Variants in PPIE observed in about 807,000 individuals in gnomAD.
PPIE encodes the protein peptidyl-prolyl cis-trans isomerase E.
PPIE carries 20 observed loss-of-function variants against 38.4 expected under a neutral mutation model. The ratio of observed to expected loss-of-function variants is 0.52; its 90% CI spans 0.37 to 0.76. The LOEUF is 0.76. Among genes scored for constraint, PPIE ranks in the 30% least tolerant of loss-of-function variants. The pLI, the probability that PPIE is intolerant of heterozygous loss-of-function variation, is 0.00. For synonymous variants in PPIE, 142 were observed against 135.7 expected (o/e 1.05, Z -0.32); for missense variants, 322 against 385.8 (o/e 0.83, Z 1.39).
At chr1:39,739,448 C>T (rs1376131363) in intron 1 of PPIE, among the ~76,000 whole-genome samples, 1 of 135,758 alleles carries the variant, frequency 7.4e-6, no homozygotes, top group African/African-American at 2.5e-5. Flanking sequence ...AGCCCCAGCC[C>T]CTGCCATAAA....
At chr1:39,760,657 C>T, downstream of PPIE, 1 of 1,484,798 alleles carries the variant, frequency 6.7e-7, no homozygotes, top group Non-Finnish European at 9.0e-7. Flanking sequence ...CACCTGCTCC[C>T]TGCCCTGGCC....
chr1:39,743,626 A>G (rs754396409), intron 5 of PPIE, among the ~76,000 whole-genome samples, 198 bp from the exon 6 acceptor site: 1 of 151,922 alleles, frequency 6.6e-6, no homozygotes, highest in Non-Finnish European at 1.5e-5. Flanking sequence ...CGGCATAGCT[A>G]TTTTCCTTAG....
At position 39,743,872 on chromosome 1, in the gene PPIE, A is replaced by G. The variant is rs750092753; in HGVS notation, c.332A>G (p.Glu111Gly). 6.2e-7 allele frequency: 1 copy of G among 1,614,002 alleles called. No homozygotes were observed. Among genetic ancestry groups the G allele is most frequent in the South Asian group, 1.1e-5 (1 of 91,078 alleles). The change falls in exon 6 of 10, where the codon GAA (glutamate) becomes GGA (glycine). Residue 111 changes from glutamate to glycine, a missense_variant. By Grantham distance (98) the Glu-to-Gly change is moderately conservative. Coordinates refer to ENST00000324379, the MANE Select transcript of PPIE (RefSeq NM_006112.4). The part of the protein sequence containing the change: ...WLKKFSGKTL[E>G]ENKEEEGSEP... Reference sequence around the variant, plus strand: ...AAGAAGTTTTCTGGGAAGACGCTTGAAGAGAATAAAGAGGAAGAAGGGTCA... The same window carrying G: ...AAGAAGTTTTCTGGGAAGACGCTTGGAGAGAATAAAGAGGAAGAAGGGTCA...
At chr1:39,752,880 C>A in intron 8 of PPIE, 30 bp from the exon 9 acceptor site, 1 of 1,601,340 alleles carries the variant, frequency 6.2e-7, no homozygotes. Context: ...AGCCAGGGTT[C>A]GGGGAGCTGA....
intron 1 of PPIE, among the ~76,000 whole-genome samples, chr1:39,739,614 G>C (rs947353510): frequency 6.6e-6 from 1 of 152,140 alleles, no homozygotes; most frequent in African/African-American, 2.4e-5. Context: ...TTCTGGATGC[G>C]GCGATGCCAG....
In PPIE at chr1:39,745,636, G is replaced by C. The variant is rs372848353; in HGVS notation, c.508+138G>C. The C allele has an allele frequency of 1.1e-4, 151 of 1,365,330 alleles. No individual in the cohort carries two copies. In the East Asian group the frequency reaches 3.2e-3, roughly 29 times the overall value. The allele number at this position is 1,365,330 out of a possible 1,614,324, so 84.6% of individuals were successfully genotyped here. A position where few individuals can be genotyped will look rare whatever the true frequency, so the allele number is the denominator to read the frequency against. On this transcript the variant is annotated intron_variant, in intron 7 of 9. Transcript: ENST00000324379. ...TTGATTTGAGGCATCTCAGATCCTG[G>C]GATCTAGTAACAGATAAGTCAGAGC...
At position 39,755,121 on chromosome 1, in the gene PPIE, T is replaced by C. The variant is rs1178571128; in HGVS notation, c.*1766T>C. The C allele has an allele frequency of 4.1e-6, 4 of 985,330 alleles. No homozygotes were observed. Among genetic ancestry groups the C allele is most frequent in the Non-Finnish European group, 4.8e-6 (4 of 829,936 alleles). 61.0% of individuals were successfully genotyped at this position (985,330 alleles called of 1,614,324 possible). A position where few individuals can be genotyped will look rare whatever the true frequency, so the allele number is the denominator to read the frequency against. ...TTCTCTCCACTCCCCCTCCAGATGC[T>C]GGTCAGCCAGGCGGTTATAAAGAAT... is the stretch of plus-strand genomic sequence containing the variant. On this transcript the variant is annotated 3_prime_UTR_variant, in exon 10 of 10. Coordinates refer to ENST00000324379, the MANE Select transcript of PPIE (RefSeq NM_006112.4).
At chr1:39,748,225 A>C (rs1451397864) in intron 7 of PPIE, 1 of 152,178 alleles carries the variant, frequency 6.6e-6, no homozygotes, top group Admixed American at 6.5e-5. Context: ...GCACGTCTTA[A>C]ATTTTGATAA....
At chr1:39,748,449 T>G (rs1647350850) in intron 7 of PPIE, 1 of 162,662 alleles carries the variant, frequency 6.1e-6, no homozygotes, top group Non-Finnish European at 1.4e-5. Context: ...GAATCTCCTA[T>G]AGTCCTGGCC....
intron 3 of PPIE, 132 bp downstream of exon 3, chr1:39,741,541 C>A: frequency 1.1e-6 from 1 of 949,398 alleles, no homozygotes; most frequent in South Asian, 1.4e-5. Context: ...GAAGTAAGTG[C>A]TGTTCTAAGG....
At chr1:39,744,043 G>A in intron 6 of PPIE, 119 bp downstream of exon 6, 2 of 631,568 alleles carry the variant, frequency 3.2e-6, no homozygotes, top group Middle Eastern at 6.0e-4. Flanking sequence ...AATGAATAAT[G>A]AATTCTTAGT....
downstream of PPIE, chr1:39,760,536 C>T (rs1377807024): frequency 2.2e-5 from 35 of 1,613,938 alleles, no homozygotes; most frequent in Non-Finnish European, 2.9e-5. Context: ...CACAGCACGC[C>T]TTGGGGACTG....
intron 7 of PPIE, chr1:39,746,913 C>A (rs1647227214): frequency 6.6e-6 from 1 of 152,176 alleles, no homozygotes. Context: ...ATTTTTGAAT[C>A]ATCCTAAACA....
chr1:39,744,401 T>TCCCC (rs756983075), intron 6 of PPIE, among the ~76,000 whole-genome samples: 1 of 152,146 alleles, frequency 6.6e-6, no homozygotes, highest in African/African-American at 2.4e-5. Flanking sequence ...CTGGGGCACT[T>TCCCC]CCCCCTGATT....
chr1:39,746,437 T>G (rs1014724893), intron 7 of PPIE: 7 of 152,220 alleles, frequency 4.6e-5, no homozygotes, highest in Non-Finnish European at 1.0e-4. Context: ...TTCCTCAACA[T>G]TCAGTATATA....
Position 39,743,912 on chromosome 1 carries a change from A to G in PPIE, c.372A>G (p.Ala124=), listed in dbSNP as rs778324353. 4 of 1,612,112 alleles carry G rather than the reference A, an allele frequency of 2.5e-6. No individual in the cohort carries two copies. The African/African-American group carries it at 4.0e-5, about 16-fold the overall frequency. ...AAGAAGGGTCAGAGCCTCCCAAAGC[A>G]GAGACCCAGGAGGTGAGAATGAAGC... The part of the protein sequence containing the change: ...KEEEGSEPPK[A]ETQEGEPIAK... Residue 124 remains alanine, a synonymous_variant, in exon 6 of 10, where the codon GCA becomes GCG. Transcript: ENST00000324379.
At position 39,762,668 on chromosome 1, in the gene PPIE, G is replaced by A. The variant is rs1291908185; in HGVS notation, c.838-1021G>A. The A allele has an allele frequency of 7.2e-6, 11 of 1,527,676 alleles. No homozygotes were observed. In the African/African-American group the frequency reaches 9.7e-5, roughly 14 times the overall value. The allele number at this position is 1,527,676 out of a possible 1,614,324, so 94.6% of individuals were successfully genotyped here. Reference sequence around the variant, plus strand: ...GCGGCACAGGTGGGTGAGTGCACACGCACACCCCACACACTGTGCACACAT... The same window carrying A: ...GCGGCACAGGTGGGTGAGTGCACACACACACCCCACACACTGTGCACACAT... On this transcript the variant is annotated intron_variant, in intron 9 of 9. Coordinates refer to the PPIE transcript ENST00000356511.
rs370986141 is a variant in PPIE, at chr1:39,763,781, G to A, written c.*39G>A. 1.3e-4 allele frequency: 202 copies of A among 1,600,550 alleles called. 5 individuals are homozygous for A. The East Asian group carries it at 1.8e-3, about 15-fold the overall frequency. ...GGCAGACCTGCCGGCCGTGGGAGCC[G>A]TGGACGTCATCTGCAGGGACAGAAG... On this transcript the variant is annotated 3_prime_UTR_variant, in exon 10 of 10. Transcript: ENST00000356511.
chr1:39,742,490 C>CTTTTTTTTTTTTTTTTTTTTTTT (rs5773671), intron 4 of PPIE: 1 of 107,298 alleles, frequency 9.3e-6, no homozygotes, highest in African/African-American at 3.7e-5. Context: ...TTCTTTCTTT[C>CTTTTTTTTTTTTTTTTTTTTTTT]TTTTTTTTTT....
Sources: gnomAD v4.1 joint callset for allele counts (sites outside exome capture counted in the v4.1 genomes callset) on GRCh38, gnomAD v4.1.1 for gene constraint, MANE v1.5 for transcripts, NCBI Gene and HGNC (gene_info 2026-07-23, HGNC 2026-07-21) for gene names.